UBE2V1: variants seen among roughly 807,000 people sequenced by gnomAD.
UBE2V1 encodes the protein ubiquitin-conjugating enzyme E2 variant 1.
In UBE2V1, 15 loss-of-function variants were observed where a neutral mutation model predicts 19.6. The ratio of observed to expected loss-of-function variants is 0.77; its 90% CI spans 0.51 to 1.18. The LOEUF (loss-of-function observed/expected upper bound fraction) is 1.18. Ranked by LOEUF, UBE2V1 falls within the 50% of genes most tolerant of loss-of-function variation. The pLI is 0.00. For missense variants in UBE2V1, 125 were observed against 184.8 expected, an observed-to-expected ratio of 0.68 and a Z score of 1.88; for synonymous variants, 60 against 60.7, an observed-to-expected ratio of 0.99 and a Z score of 0.05.
intron 1 of UBE2V1, chr20:50,104,306 T>C (rs2147153953): frequency 1.0e-6 from 1 of 973,310 alleles, no homozygotes; most frequent in Non-Finnish European, 1.2e-6. Context: ...AAAGGCAGTA[T>C]TTCCTATTGT....
intron 3 of UBE2V1, among the ~76,000 whole-genome samples, chr20:50,083,289 C>T (rs921156374): frequency 6.6e-5 from 10 of 152,180 alleles, no homozygotes; most frequent in African/African-American, 1.7e-4. Flanking sequence ...CAGGGCAGTA[C>T]GGACAGCCAA....
At chr20:50,096,561 C>A in intron 2 of UBE2V1, 111 bp downstream of exon 2, 1 of 1,604,486 alleles carries the variant, frequency 6.2e-7, no homozygotes, top group South Asian at 1.1e-5. Flanking sequence ...AGCCACATTT[C>A]AGAAAATATA....
chr20:50,112,731 C>T (rs1186526866), intron 1 of UBE2V1, among the ~76,000 whole-genome samples: 3 of 152,220 alleles, frequency 2.0e-5, no homozygotes, highest in Non-Finnish European at 2.9e-5. Flanking sequence ...GGACTTCCAT[C>T]CGCTGTGGGG....
At chr20:50,109,474 G>A (rs545187587) in intron 1 of UBE2V1, among the ~76,000 whole-genome samples, 29 of 152,104 alleles carry the variant, frequency 1.9e-4, no homozygotes, top group East Asian at 1.6e-3. Flanking sequence ...CTTGCAGCCC[G>A]GCACGGTGAC....
At chr20:50,108,208 T>C (rs1039767301) in intron 1 of UBE2V1, among the ~76,000 whole-genome samples, 1 of 152,232 alleles carries the variant, frequency 6.6e-6, no homozygotes, top group East Asian at 1.9e-4. Context: ...TTTTTCCATC[T>C]TCCAGGCAAG....
At chr20:50,086,630 C>T (rs1209869526) in intron 2 of UBE2V1, among the ~76,000 whole-genome samples, 1 of 152,110 alleles carries the variant, frequency 6.6e-6, no homozygotes, top group African/African-American at 2.4e-5. Flanking sequence ...AAATCATGCT[C>T]CCTGGTTTTG....
chr20:50,091,912 A>G (rs1443383753), intron 2 of UBE2V1, among the ~76,000 whole-genome samples: 1 of 152,248 alleles, frequency 6.6e-6, no homozygotes, highest in Non-Finnish European at 1.5e-5. Flanking sequence ...ATAATGAATC[A>G]GAGAAAGGAT....
At chr20:50,089,031 G>T (rs2079077521) in intron 2 of UBE2V1, among the ~76,000 whole-genome samples, 1 of 152,094 alleles carries the variant, frequency 6.6e-6, no homozygotes, top group African/African-American at 2.4e-5. Context: ...ATGGCAGTTA[G>T]GGATAAATCA....
intron 1 of UBE2V1, among the ~76,000 whole-genome samples, chr20:50,111,792 A>G (rs1257037892): frequency 3.9e-5 from 6 of 152,120 alleles, no homozygotes; most frequent in South Asian, 2.1e-4. Flanking sequence ...TGGATCACCA[A>G]TTCCTTCCCA....
intron 2 of UBE2V1, 159 bp downstream of exon 2, chr20:50,096,513 G>C (rs768246969): frequency 6.5e-7 from 1 of 1,540,026 alleles, no homozygotes; most frequent in South Asian, 1.2e-5. Context: ...CATCAGAGGA[G>C]GTTCAAATAT....
At chr20:50,114,608 G>A (rs931890982), upstream of UBE2V1, among the ~76,000 whole-genome samples, 1 of 152,152 alleles carries the variant, frequency 6.6e-6, no homozygotes, top group Non-Finnish European at 1.5e-5. Flanking sequence ...CAGGACAAGT[G>A]GAAACCAGGG....
In UBE2V1 at chr20:50,088,386, T is replaced by C. The variant is rs529526866; in HGVS notation, c.172-4132A>G. Among the ~76,000 whole-genome samples the C allele has an allele frequency of 3.7e-4, 56 of 152,332 alleles. 1 individual carries two copies. The Middle Eastern group carries it at 0.014, about 37-fold the overall frequency. ...TTTATTGGTTGTGACAAATGTACCA[T>C]AATAACATAAGATGCTAGCAACAGG... On this transcript the variant is annotated intron_variant, in intron 2 of 3. Coordinates refer to ENST00000371674, the MANE Select transcript of UBE2V1 (RefSeq NM_001032288.3).
At chr20:50,102,819 A>G (rs2080092160) in intron 1 of UBE2V1, among the ~76,000 whole-genome samples, 1 of 152,180 alleles carries the variant, frequency 6.6e-6, no homozygotes, top group South Asian at 2.1e-4. Context: ...TGCTTCGCCA[A>G]CATCATTTTG....
intron 2 of UBE2V1, among the ~76,000 whole-genome samples, chr20:50,094,050 ATATAT>A (rs1320728601): frequency 2.2e-5 from 3 of 139,262 alleles, no homozygotes; most frequent in African/African-American, 8.1e-5. Flanking sequence ...TATATATAAA[ATATAT>A]TATGTATGTT....
intron 2 of UBE2V1, among the ~76,000 whole-genome samples, chr20:50,090,401 G>T (rs1206230979): frequency 6.6e-6 from 1 of 151,522 alleles, no homozygotes. Context: ...TTGAACCTGG[G>T]AGGCGGGGGC....
intron 1 of UBE2V1, among the ~76,000 whole-genome samples, chr20:50,110,407 A>G (rs2080677338): frequency 6.6e-6 from 1 of 152,262 alleles, no homozygotes; most frequent in African/African-American, 2.4e-5. Context: ...CAGCCCTTAC[A>G]GGAACTCAAA....
upstream of UBE2V1, chr20:50,113,227 C>G: frequency 1.1e-6 from 1 of 940,862 alleles, no homozygotes; most frequent in Non-Finnish European, 1.4e-6. Context: ...ACATACGCCG[C>G]CGCTGACGCC....
chr20:50,093,356 T>C (rs2079355380), intron 2 of UBE2V1, among the ~76,000 whole-genome samples: 1 of 152,246 alleles, frequency 6.6e-6, no homozygotes, highest in Non-Finnish European at 1.5e-5. Flanking sequence ...AGTGCTCTAT[T>C]TAGATGCTTT....
chr20:50,107,886 A>C (rs1285406264), intron 1 of UBE2V1, among the ~76,000 whole-genome samples: 2 of 152,258 alleles, frequency 1.3e-5, no homozygotes, highest in Non-Finnish European at 2.9e-5. Context: ...GAACAAAACA[A>C]GAAGCTGTGA....
Sources: gnomAD v4.1 joint callset for allele counts (sites outside exome capture counted in the v4.1 genomes callset) on GRCh38, gnomAD v4.1.1 for gene constraint, MANE v1.5 for transcripts, NCBI Gene and HGNC (gene_info 2026-07-23, HGNC 2026-07-21) for gene names.